IGSF21: variants seen among roughly 807,000 people sequenced by gnomAD.
IGSF21 encodes immunoglobulin superfamily member 21.
IGSF21 carries 28 observed loss-of-function variants against 46.8 expected under a neutral mutation model. That is an observed-to-expected ratio of 0.60 (90% CI 0.44 to 0.82). The LOEUF (loss-of-function observed/expected upper bound fraction) is 0.82. IGSF21 is among the 40% of genes least tolerant of loss of function. IGSF21 has a pLI of 0.00. For synonymous variants in IGSF21, 284 were observed against 273.6 expected (o/e 1.04, Z -0.38); for missense variants, 624 against 665.5 (o/e 0.94, Z 0.69).
chr1:18,279,186 T>C (rs1370474149), intron 2 of IGSF21, among the ~76,000 whole-genome samples: 1 of 152,192 alleles, frequency 6.6e-6, no homozygotes, highest in Admixed American at 6.5e-5. Flanking sequence ...CTTCTGAGGC[T>C]GCCCTCCCCT....
intron 1 of IGSF21, among the ~76,000 whole-genome samples, chr1:18,216,525 G>C (rs2084450113): frequency 6.6e-6 from 1 of 152,186 alleles, no homozygotes; most frequent in Non-Finnish European, 1.5e-5. Flanking sequence ...AGACCAGTGA[G>C]CTGGCTATTG....
chr1:18,243,865 C>T (rs2084757696), intron 2 of IGSF21, among the ~76,000 whole-genome samples: 2 of 152,144 alleles, frequency 1.3e-5, no homozygotes, highest in African/African-American at 4.8e-5. Flanking sequence ...TGCCAAGGTG[C>T]CTCTAGAGAC....
At position 18,208,264 on chromosome 1, in the gene IGSF21, A is replaced by G. The variant is rs188582302; in HGVS notation, c.71-19634A>G. 2.2e-3 allele frequency among the ~76,000 whole-genome samples: 337 copies of G among 150,984 alleles called. 4 individuals carry two copies. Among genetic ancestry groups the G allele is most frequent in the Admixed American group, 0.016 (248 of 15,158 alleles). On this transcript the variant is annotated intron_variant, in intron 1 of 9. Transcript: ENST00000251296. ...GATCTCCTTGCCCAGAGCAGAATTC[A>G]GTTCCCCTGGGAAGGAATGTGCTGG...
chr1:18,375,990 C>T, intron 6 of IGSF21: 1 of 264,202 alleles, frequency 3.8e-6, no homozygotes, highest in South Asian at 4.6e-5. Flanking sequence ...TGATCTTGTC[C>T]CTCATGGCAC....
rs1218220149 is a variant in IGSF21 at position 18,286,617 on chromosome 1, G to A, written c.184-5249G>A. ...TTCCTTTTGGAGCCTCACATCGGAG[G>A]TGGTCTGAGGCCACTGTCCCGCCTG... On this transcript the variant is annotated intron_variant, in intron 2 of 9. Coordinates refer to ENST00000251296, the MANE Select transcript of IGSF21 (RefSeq NM_032880.5). 4.6e-5 allele frequency among the ~76,000 whole-genome samples: 7 copies of A among 152,224 alleles called. No individual in the cohort carries two copies. In the East Asian group the frequency reaches 1.3e-3, roughly 29 times the overall value.
chr1:18,298,398 G>A (rs951451396), intron 3 of IGSF21, among the ~76,000 whole-genome samples: 6 of 152,246 alleles, frequency 3.9e-5, no homozygotes, highest in African/African-American at 1.4e-4. Context: ...CCCATGGAAT[G>A]TGGCCATCCC....
At chr1:18,174,526 G>T (rs1427564205) in intron 1 of IGSF21, among the ~76,000 whole-genome samples, 1 of 152,202 alleles carries the variant, frequency 6.6e-6, no homozygotes, top group Non-Finnish European at 1.5e-5. Flanking sequence ...TGCTCCAGGA[G>T]CTGATGTTGT....
chr1:18,110,963 G>A (rs1402864808), intron 1 of IGSF21: 1 of 152,348 alleles, frequency 6.6e-6, no homozygotes, highest in Non-Finnish European at 1.5e-5. Flanking sequence ...TGCGCGGGCG[G>A]AGGTGGGCGG....
At chr1:18,225,085 T>TCTCTCTCTCTCACA in intron 1 of IGSF21, among the ~76,000 whole-genome samples, 28 of 51,598 alleles carry the variant, frequency 5.4e-4, no homozygotes, top group African/African-American at 1.6e-3. Flanking sequence ...TCTCTCTCTC[T>TCTCTCTCTCTCACA]CACACACACA....
At chr1:18,198,835 C>G (rs767685680) in intron 1 of IGSF21, among the ~76,000 whole-genome samples, 4 of 152,074 alleles carry the variant, frequency 2.6e-5, no homozygotes, top group African/African-American at 9.7e-5. Flanking sequence ...CTAATAAGGT[C>G]GTGGGAGTAA....
chr1:18,268,280 C>A (rs1186153794), intron 2 of IGSF21, among the ~76,000 whole-genome samples: 1 of 152,218 alleles, frequency 6.6e-6, no homozygotes, highest in Non-Finnish European at 1.5e-5. Flanking sequence ...AGTAGCAGAG[C>A]CAGCTCTGGG....
chr1:18,201,628 G>A (rs1490806787), intron 1 of IGSF21, among the ~76,000 whole-genome samples: 2 of 152,068 alleles, frequency 1.3e-5, no homozygotes, highest in Non-Finnish European at 2.9e-5. Context: ...CTGGGAGCTG[G>A]GACCCACCTG....
At chr1:18,163,459 G>A (rs2086647918) in intron 1 of IGSF21, among the ~76,000 whole-genome samples, 1 of 152,154 alleles carries the variant, frequency 6.6e-6, no homozygotes, top group Non-Finnish European at 1.5e-5. Context: ...AATTTCCTTG[G>A]CACTTGCCGG....
At chr1:18,120,605 A>G (rs183081427) in intron 1 of IGSF21, among the ~76,000 whole-genome samples, 193 of 152,348 alleles carry the variant, frequency 1.3e-3, no homozygotes, top group African/African-American at 4.4e-3. Flanking sequence ...GAGACAACAT[A>G]TGTATAGCTA....
At chr1:18,208,597 C>G (rs1257811936) in intron 1 of IGSF21, among the ~76,000 whole-genome samples, 6 of 136,560 alleles carry the variant, frequency 4.4e-5, no homozygotes, top group Non-Finnish European at 9.3e-5. Context: ...CCGGGTTTCT[C>G]CATGTTAGCC....
chr1:18,133,060 A>G (rs1378454262), intron 1 of IGSF21, among the ~76,000 whole-genome samples: 1 of 152,176 alleles, frequency 6.6e-6, no homozygotes, highest in Admixed American at 6.5e-5. Context: ...TTTTGGAGCA[A>G]TTAAGGAAAA....
intron 5 of IGSF21, among the ~76,000 whole-genome samples, chr1:18,363,904 A>G (rs2086131059): frequency 6.6e-6 from 1 of 152,168 alleles, no homozygotes; most frequent in African/African-American, 2.4e-5. Context: ...GGACCCAAAA[A>G]GGTAGCTTCA....
At chr1:18,332,512 T>A (rs966432916) in intron 3 of IGSF21, among the ~76,000 whole-genome samples, 10 of 150,328 alleles carry the variant, frequency 6.7e-5, no homozygotes, top group South Asian at 2.1e-4. Flanking sequence ...TTTTTTTTTT[T>A]ATCTAAAATA....
chr1:18,121,818 G>A (rs935093397), intron 1 of IGSF21, among the ~76,000 whole-genome samples: 2 of 152,186 alleles, frequency 1.3e-5, no homozygotes, highest in Non-Finnish European at 2.9e-5. Context: ...TGTCCAAGTT[G>A]GCTGAGGTGA....
Sources: allele counts gnomAD v4.1 joint callset (sites outside exome capture counted in the v4.1 genomes callset), GRCh38; gene constraint gnomAD v4.1.1; transcripts MANE v1.5; gene names NCBI Gene and HGNC (gene_info 2026-07-23, HGNC 2026-07-21).